Variants in RFX7 observed in about 807,000 individuals in gnomAD.
The protein encoded by RFX7 is DNA-binding protein RFX7.
In RFX7, 26 loss-of-function variants were observed where a neutral mutation model predicts 111.8. The observed-to-expected ratio is 0.23, with a 90% CI of 0.17 to 0.32. RFX7 has a LOEUF of 0.32. Among genes scored for constraint, RFX7 ranks in the 10% least tolerant of loss-of-function variants. The pLI, the probability that RFX7 is intolerant of heterozygous loss-of-function variation, is 1.00. For missense variants in RFX7, 1,573 were observed against 1,772.9 expected (o/e 0.89, Z 2.02); for synonymous variants, 624 against 624.4 (o/e 1.00, Z 0.01).
chr15:56,151,593 C>T (rs1057346022), intron 3 of RFX7, among the ~76,000 whole-genome samples: 1 of 152,062 alleles, frequency 6.6e-6, no homozygotes, highest in Non-Finnish European at 1.5e-5. Context: ...TGGTACCAGC[C>T]ACTGCAAAAA....
At chr15:56,230,643 CTTGT>C (rs1476038753) in intron 2 of RFX7, among the ~76,000 whole-genome samples, 6 of 152,176 alleles carry the variant, frequency 3.9e-5, no homozygotes, top group Admixed American at 6.5e-5. Context: ...CTTCAAATAG[CTTGT>C]TTATTAGAAC....
chr15:56,139,004 T>G (rs1253208663), intron 5 of RFX7, among the ~76,000 whole-genome samples: 1 of 151,906 alleles, frequency 6.6e-6, no homozygotes, highest in African/African-American at 2.4e-5. Context: ...CTGATGGGCT[T>G]CCCATTGAGG....
At position 56,092,561 on chromosome 15, in the gene RFX7, G is replaced by T. The variant is rs1433404770; in HGVS notation, c.*784C>A. ...CATAAAGCATTTTTCTAACATGCTT[G>T]TATTTATTATATTAAATTACAAATG... is the stretch of plus-strand genomic sequence containing the variant. On this transcript the variant is annotated 3_prime_UTR_variant, in exon 10 of 10. Transcript: ENST00000559447. 2.6e-5 allele frequency: 4 copies of T among 152,202 alleles called. No homozygotes were observed. Among genetic ancestry groups the T allele is most frequent in the Non-Finnish European group, 5.9e-5 (4 of 67,984 alleles). The allele number at this position is 152,202 out of a possible 1,614,324, so 9.4% of individuals were successfully genotyped here.
intron 6 of RFX7, among the ~76,000 whole-genome samples, chr15:56,103,289 A>AGACCATTAATAACAC (rs2041783906): frequency 6.6e-6 from 1 of 152,182 alleles, no homozygotes; most frequent in South Asian, 2.1e-4. Context: ...AAAGGAGATC[A>AGACCATTAATAACAC]GACCATTAAT....
chr15:56,178,166 T>TACACACACACAC (rs140828561), intron 3 of RFX7, among the ~76,000 whole-genome samples: 2 of 119,656 alleles, frequency 1.7e-5, no homozygotes, highest in Non-Finnish European at 3.4e-5. Context: ...ACCAAAAAAC[T>TACACACACACAC]ACACACACAC....
chr15:56,133,759 G>A (rs1246323468), intron 5 of RFX7, among the ~76,000 whole-genome samples: 1 of 151,994 alleles, frequency 6.6e-6, no homozygotes, highest in Non-Finnish European at 1.5e-5. Flanking sequence ...TTTCTGTAGT[G>A]TTTCTACCTT....
chr15:56,115,801 G>C (rs2042002018), intron 5 of RFX7, among the ~76,000 whole-genome samples: 1 of 152,074 alleles, frequency 6.6e-6, no homozygotes, highest in Admixed American at 6.6e-5. Context: ...AATTAGCCGG[G>C]CGTGGTGGTG....
intron 8 of RFX7, among the ~76,000 whole-genome samples, chr15:56,100,123 A>G (rs2041733052): frequency 6.6e-6 from 1 of 152,218 alleles, no homozygotes; most frequent in Non-Finnish European, 1.5e-5. Flanking sequence ...TTGGAGACAG[A>G]CAAATCAGAA....
chr15:56,123,905 A>T lies in RFX7; in HGVS notation c.401+18873T>A, dbSNP rs1567017320. Among the ~76,000 whole-genome samples, 4 of 152,196 alleles carry T rather than the reference A, an allele frequency of 2.6e-5. No homozygotes were observed. In the South Asian group the frequency reaches 8.3e-4, roughly 32 times the overall value. The stretch of plus-strand genomic sequence containing the variant: ...TGCAAGTGGACTCATTCTCCGTGGC[A>T]GGTGCTGGGAGATGGGGGAGAGGTG... On this transcript the variant is annotated intron_variant, in intron 5 of 9. Coordinates refer to ENST00000559447, the MANE Select transcript of RFX7 (RefSeq NM_022841.7).
chr15:56,203,112 T>C (rs2043210778), intron 2 of RFX7, among the ~76,000 whole-genome samples: 1 of 152,226 alleles, frequency 6.6e-6, no homozygotes, highest in Admixed American at 6.5e-5. Flanking sequence ...AAGGCATTTA[T>C]GTATTACAGT....
Position 56,135,830 on chromosome 15 carries a change from A to C in RFX7, c.401+6948T>G, listed in dbSNP as rs1317277266. 6.6e-5 allele frequency among the ~76,000 whole-genome samples: 10 copies of C among 152,158 alleles called. No individual in the cohort carries two copies. In the East Asian group the frequency reaches 1.9e-3, roughly 29 times the overall value. On this transcript the variant is annotated intron_variant, in intron 5 of 9. Coordinates refer to ENST00000559447, the MANE Select transcript of RFX7 (RefSeq NM_022841.7). ...AAGGGATCCAGTTTCAGCTTTCTAC[A>C]TATGGCTAGCCAGTTTTCCCAGTAC...
Position 56,093,368 on chromosome 15 carries a change from G to A in RFX7, c.4360C>T (p.Pro1454Ser). The A allele has an allele frequency of 6.2e-7, 1 of 1,611,730 alleles. No homozygotes were observed. ...GFEWIESKDHPTVEMLG is the reference protein window; with the variant it reads ...GFEWIESKDHSTVEMLG ...ATTTAACCCAACATTTCAACAGTAG[G>A]ATGGTCCTTGCTTTCTATCCATTCA... Residue 1454 changes from proline (P) to serine (S), a missense_variant, in exon 10 of 10, where the codon CCT becomes TCT. Transcript: ENST00000559447.
At chr15:56,232,444 G>T (rs901262744) in intron 2 of RFX7, among the ~76,000 whole-genome samples, 4 of 152,174 alleles carry the variant, frequency 2.6e-5, no homozygotes, top group Non-Finnish European at 5.9e-5. Flanking sequence ...CTCCTAGGCC[G>T]CTGGGTCTGT....
At position 56,142,919 on chromosome 15, in the gene RFX7, G is replaced by A; in HGVS notation, c.279-19C>T. On this transcript the variant is annotated intron_variant, in intron 4 of 9. Transcript: ENST00000559447. ...CTGATCACTAATAGAATGAAAACAT[G>A]TTTTAGCTGACCAGACAGCAATTCA... The A allele has an allele frequency of 6.2e-7, 1 of 1,611,912 alleles. No homozygotes were observed. The highest frequency in any genetic ancestry group is 1.1e-5 in the South Asian group (1 of 90,696).
intron 5 of RFX7, among the ~76,000 whole-genome samples, chr15:56,131,110 TAA>T (rs200498255): frequency 7.0e-6 from 1 of 142,038 alleles, no homozygotes; most frequent in Non-Finnish European, 1.5e-5. Flanking sequence ...AAAGATAGCA[TAA>T]AAAAAAAAAG....
At chr15:56,218,040 C>G (rs1424362108) in intron 2 of RFX7, among the ~76,000 whole-genome samples, 1 of 151,928 alleles carries the variant, frequency 6.6e-6, no homozygotes, top group African/African-American at 2.4e-5. Context: ...ACTGAACACA[C>G]CCAAACTTTT....
At chr15:56,110,341 T>C (rs867969891) in intron 5 of RFX7, among the ~76,000 whole-genome samples, 882 of 39,028 alleles carry the variant, frequency 0.023, 41 homozygotes, top group African/African-American at 0.067. Context: ...GCCCCCCGCC[T>C]GGCCAGCCGC....
intron 5 of RFX7, among the ~76,000 whole-genome samples, chr15:56,122,709 C>T (rs2042093919): frequency 6.6e-6 from 1 of 151,500 alleles, no homozygotes; most frequent in Non-Finnish European, 1.5e-5. Flanking sequence ...CTACCTGGTG[C>T]TTTATCCTAC....
Position 56,094,836 on chromosome 15 carries a change from CGGGGTT to C in RFX7, c.2886_2891del (p.Pro964_Thr965del), listed in dbSNP as rs766009038. ...GAGATCCAGCAATCATTTCAGATGT[CGGGGTT>C]GGGGTTGGGGTTGGAGTAGGAGTGG... On this transcript the variant is annotated inframe_deletion, in exon 10 of 10. Transcript: ENST00000559447. The C allele has an allele frequency of 5.6e-5, 87 of 1,562,854 alleles. No homozygotes were observed. The highest frequency in any genetic ancestry group is 3.4e-4 in the Middle Eastern group (2 of 5,946).
Sources: allele counts gnomAD v4.1 joint callset (sites outside exome capture counted in the v4.1 genomes callset), GRCh38; gene constraint gnomAD v4.1.1; transcripts MANE v1.5; gene names NCBI Gene and HGNC (gene_info 2026-07-23, HGNC 2026-07-21).